PCDH9: variants seen among roughly 807,000 people sequenced by gnomAD.
PCDH9 encodes protocadherin 9.
Under a neutral mutation model 70.6 loss-of-function variants are expected in PCDH9, and 24 were observed. The observed-to-expected ratio is 0.34, with a 90% CI of 0.25 to 0.48. The LOEUF (loss-of-function observed/expected upper bound fraction) is 0.48, where lower values mean the gene tolerates loss of function less well. PCDH9 is among the 20% of genes least tolerant of loss of function. PCDH9 has a pLI of 0.99. For synonymous variants in PCDH9, 562 were observed against 558.5 expected (o/e 1.01, Z -0.09); for missense variants, 1,281 against 1,503.6 (o/e 0.85, Z 2.45).
At chr13:66,982,049 T>C (rs2083782960) in intron 2 of PCDH9, among the ~76,000 whole-genome samples, 1 of 152,180 alleles carries the variant, frequency 6.6e-6, no homozygotes, top group African/African-American at 2.4e-5. Context: ...CCCTCATGGC[T>C]TGATGCTGTC....
intron 4 of PCDH9, among the ~76,000 whole-genome samples, chr13:66,340,777 C>A (rs546949506): frequency 5.9e-5 from 9 of 152,260 alleles, no homozygotes; most frequent in African/African-American, 1.9e-4. Context: ...GTGTGATGAT[C>A]CAACGTATGA....
chr13:67,210,793 G>C (rs2089452578), intron 2 of PCDH9: 1 of 152,088 alleles, frequency 6.6e-6, no homozygotes, highest in Non-Finnish European at 1.5e-5. Flanking sequence ...GAAAATTTAA[G>C]TACTGATTTT....
intron 2 of PCDH9, among the ~76,000 whole-genome samples, chr13:67,167,669 A>T (rs559964153): frequency 6.6e-6 from 1 of 152,208 alleles, no homozygotes; most frequent in East Asian, 1.9e-4. Context: ...GTCAGCATCT[A>T]TCCAGATTGA....
At position 66,792,797 on chromosome 13, in the gene PCDH9, T is replaced by C. The variant is rs529605349; in HGVS notation, c.3138+110707A>G. Reference sequence around the variant, plus strand: ...GCTATACATGTGAATGCCTAATAAATATATGTACACACTCATACATATATA... The same window carrying C: ...GCTATACATGTGAATGCCTAATAAACATATGTACACACTCATACATATATA... On this transcript the variant is annotated intron_variant, in intron 3 of 4. Coordinates refer to ENST00000377865, the MANE Select transcript of PCDH9 (RefSeq NM_203487.3). Among the ~76,000 whole-genome samples, 12 of 152,282 alleles carry C rather than the reference T, an allele frequency of 7.9e-5. No individual in the cohort carries two copies. The East Asian group carries it at 1.4e-3, about 17-fold the overall frequency.
intron 3 of PCDH9, among the ~76,000 whole-genome samples, chr13:66,639,554 C>T (rs1431953954): frequency 6.6e-6 from 1 of 152,104 alleles, no homozygotes; most frequent in Non-Finnish European, 1.5e-5. Context: ...CTTTAAGAAA[C>T]TTGAGAGAAA....
At chr13:66,573,804 A>C (rs192127524) in intron 4 of PCDH9, among the ~76,000 whole-genome samples, 53 of 152,276 alleles carry the variant, frequency 3.5e-4, no homozygotes, top group Admixed American at 4.6e-4. Context: ...CAATGCAATT[A>C]TCAGTCAATA....
intron 2 of PCDH9, among the ~76,000 whole-genome samples, chr13:66,968,443 A>G (rs1460601327): frequency 6.6e-6 from 1 of 151,964 alleles, no homozygotes; most frequent in Non-Finnish European, 1.5e-5. Context: ...ACTTACAATC[A>G]ACTAAGAGTT....
intron 4 of PCDH9, among the ~76,000 whole-genome samples, chr13:66,557,922 C>G (rs919976331): frequency 6.6e-6 from 1 of 152,102 alleles, no homozygotes; most frequent in African/African-American, 2.4e-5. Context: ...GAGGCCAAGA[C>G]TGGAGGATCG....
chr13:66,828,117 TA>T, intron 3 of PCDH9, among the ~76,000 whole-genome samples: 2 of 151,694 alleles, frequency 1.3e-5, no homozygotes, highest in Middle Eastern at 6.8e-3. Context: ...GCAAACAAAA[TA>T]AAAGAAAAAC....
At chr13:66,738,219 C>T (rs1324830161) in intron 3 of PCDH9, among the ~76,000 whole-genome samples, 2 of 151,528 alleles carry the variant, frequency 1.3e-5, no homozygotes, top group African/African-American at 2.4e-5. Flanking sequence ...GAGGCACCCC[C>T]CAGCAGGGGC....
chr13:66,950,494 A>AT (rs755888144), intron 2 of PCDH9, among the ~76,000 whole-genome samples: 7,683 of 147,032 alleles, frequency 0.052, 249 homozygotes, highest in Non-Finnish European at 0.075. Context: ...TATGTGTATG[A>AT]TTTTTTTTTT....
At chr13:66,809,381 C>A (rs117593098) in intron 3 of PCDH9, among the ~76,000 whole-genome samples, 124 of 152,202 alleles carry the variant, frequency 8.1e-4, no homozygotes, top group Non-Finnish European at 1.4e-3. Flanking sequence ...GGCAAAATGA[C>A]AAAGATCACA....
intron 3 of PCDH9, among the ~76,000 whole-genome samples, chr13:66,635,289 T>C (rs2138947179): frequency 6.6e-6 from 1 of 152,314 alleles, no homozygotes; most frequent in Admixed American, 6.5e-5. Context: ...CATGTCACAT[T>C]TGTTTACCTG....
chr13:66,440,366 C>A (rs981344453), intron 4 of PCDH9, among the ~76,000 whole-genome samples: 6 of 151,928 alleles, frequency 3.9e-5, no homozygotes, highest in Non-Finnish European at 8.8e-5. Context: ...GAAATTAGGT[C>A]ATTGATTAAT....
intron 4 of PCDH9, among the ~76,000 whole-genome samples, chr13:66,340,367 G>A (rs1295199031): frequency 6.6e-6 from 1 of 152,094 alleles, no homozygotes; most frequent in East Asian, 1.9e-4. Context: ...TAGTTTTCAT[G>A]GTGACACTTT....
rs986274080 is a variant in PCDH9, at chr13:66,900,954, G to A, written c.3138+2550C>T. Among the ~76,000 whole-genome samples, 5 of 151,734 alleles carry A rather than the reference G, an allele frequency of 3.3e-5. No homozygotes were observed. The East Asian group carries it at 9.7e-4, about 29-fold the overall frequency. On this transcript the variant is annotated intron_variant, in intron 3 of 4. Transcript: ENST00000377865. ...TATAATGAAAAATAACATTTCAGAT[G>A]CCAATTTTGTAGGTTATAATCACCT...
chr13:66,784,963 C>T (rs945518268), intron 3 of PCDH9, among the ~76,000 whole-genome samples: 5 of 151,964 alleles, frequency 3.3e-5, no homozygotes, highest in South Asian at 2.1e-4. Flanking sequence ...CTTCTGCATA[C>T]GATCCTTCCC....
At chr13:66,870,040 G>T (rs1418812777) in intron 3 of PCDH9, among the ~76,000 whole-genome samples, 1 of 152,052 alleles carries the variant, frequency 6.6e-6, no homozygotes, top group Non-Finnish European at 1.5e-5. Flanking sequence ...TTCTTCTAGG[G>T]TTTTTATGGT....
At chr13:66,743,865 GT>G (rs1315612981) in intron 3 of PCDH9, among the ~76,000 whole-genome samples, 2 of 152,068 alleles carry the variant, frequency 1.3e-5, no homozygotes, top group East Asian at 3.9e-4. Flanking sequence ...CACAAGTAGT[GT>G]CATGAGATAT....
Sources: allele counts gnomAD v4.1 joint callset (sites outside exome capture counted in the v4.1 genomes callset), GRCh38; gene constraint gnomAD v4.1.1; transcripts MANE v1.5; gene names NCBI Gene and HGNC (gene_info 2026-07-23, HGNC 2026-07-21).